Variants in MTSS1 observed in about 807,000 individuals in gnomAD.
MTSS1 encodes MTSS I-BAR domain containing 1, also known as protein MTSS 1.
MTSS1 carries 18 observed loss-of-function variants against 79.0 expected under a neutral mutation model. That is an observed-to-expected ratio of 0.23 (90% CI 0.16 to 0.34). MTSS1 has a LOEUF of 0.34. MTSS1 is among the 10% of genes least tolerant of loss of function. MTSS1 has a pLI of 1.00. For missense variants in MTSS1, 815 were observed against 986.2 expected (o/e 0.83, Z 2.33); for synonymous variants, 341 against 368.6 (o/e 0.93, Z 0.86).
chr8:124,691,294 A>C (rs541741097), intron 3 of MTSS1, among the ~76,000 whole-genome samples: 5 of 152,346 alleles, frequency 3.3e-5, no homozygotes, highest in African/African-American at 9.6e-5. Flanking sequence ...AGGAGGGCTT[A>C]GGAGCTGGAA....
At chr8:124,619,452 T>C (rs2133489887) in intron 3 of MTSS1, 1 of 152,610 alleles carries the variant, frequency 6.6e-6, no homozygotes, top group South Asian at 2.1e-4. Flanking sequence ...CCATTGTCTC[T>C]TTACTTTTTG....
intron 3 of MTSS1, among the ~76,000 whole-genome samples, chr8:124,611,862 C>A (rs920860593): frequency 6.6e-6 from 1 of 152,172 alleles, no homozygotes; most frequent in Non-Finnish European, 1.5e-5. Context: ...GACACTCAAG[C>A]GTATTTGCAC....
At chr8:124,661,583 A>G (rs758583985) in intron 3 of MTSS1, among the ~76,000 whole-genome samples, 12 of 152,232 alleles carry the variant, frequency 7.9e-5, no homozygotes, top group Non-Finnish European at 1.5e-4. Context: ...AGTCCTAGCC[A>G]CGCCAAAGGT....
At chr8:124,723,995 G>C (rs1020843536) in intron 1 of MTSS1, among the ~76,000 whole-genome samples, 3 of 152,098 alleles carry the variant, frequency 2.0e-5, no homozygotes, top group Non-Finnish European at 4.4e-5. Flanking sequence ...CACCATATTG[G>C]ATTCATATTA....
intron 6 of MTSS1, among the ~76,000 whole-genome samples, chr8:124,571,192 G>C (rs1484702368): frequency 6.6e-6 from 1 of 152,218 alleles, no homozygotes; most frequent in Non-Finnish European, 1.5e-5. Context: ...CCTGGAATCT[G>C]CCTCAGGGCA....
intron 3 of MTSS1, among the ~76,000 whole-genome samples, chr8:124,603,093 T>C (rs1050043175): frequency 2.0e-5 from 3 of 152,178 alleles, no homozygotes; most frequent in African/African-American, 7.2e-5. Context: ...TGGCACCATC[T>C]CAGCTCACCA....
chr8:124,592,805 G>C (rs1233808030), intron 3 of MTSS1, among the ~76,000 whole-genome samples: 2 of 152,150 alleles, frequency 1.3e-5, no homozygotes, highest in African/African-American at 2.4e-5. Context: ...GGCTGGACTG[G>C]GCTGTGCAGT....
chr8:124,573,922 C>T (rs1828408462), intron 6 of MTSS1, among the ~76,000 whole-genome samples: 1 of 152,144 alleles, frequency 6.6e-6, no homozygotes, highest in South Asian at 2.1e-4. Context: ...ATTCTCTTTG[C>T]AGAAAATGTT....
intron 3 of MTSS1, among the ~76,000 whole-genome samples, chr8:124,655,079 T>A (rs1009687517): frequency 6.6e-6 from 1 of 152,230 alleles, no homozygotes; most frequent in Admixed American, 6.5e-5. Context: ...TCTAGCCCCC[T>A]AAACAGCAGA....
At chr8:124,706,105 TAGCACTCATTATAACAAGG>T (rs889955125) in intron 1 of MTSS1, among the ~76,000 whole-genome samples, 7 of 152,068 alleles carry the variant, frequency 4.6e-5, no homozygotes, top group African/African-American at 4.8e-5. Context: ...AGATCATGCA[TAGCACTCATTATAACAAGG>T]AGCACTCATT....
intron 3 of MTSS1, among the ~76,000 whole-genome samples, chr8:124,652,607 C>T (rs1402906509): frequency 3.3e-5 from 5 of 151,946 alleles, no homozygotes; most frequent in African/African-American, 4.8e-5. Context: ...CCAGCCTGGC[C>T]GACCTGGTGA....
At chr8:124,678,457 A>G (rs972267542) in intron 3 of MTSS1, among the ~76,000 whole-genome samples, 2 of 152,252 alleles carry the variant, frequency 1.3e-5, no homozygotes, top group Non-Finnish European at 2.9e-5. Flanking sequence ...ATGGACTCAC[A>G]GTTCCACATG....
At chr8:124,658,329 G>A (rs564161410) in intron 3 of MTSS1, among the ~76,000 whole-genome samples, 6 of 152,224 alleles carry the variant, frequency 3.9e-5, no homozygotes, top group African/African-American at 9.6e-5. Flanking sequence ...TGGGGTTTCC[G>A]TTCTCGCTTG....
intron 3 of MTSS1, among the ~76,000 whole-genome samples, chr8:124,627,895 G>A (rs916135643): frequency 1.3e-5 from 2 of 152,204 alleles, no homozygotes; most frequent in Admixed American, 1.3e-4. Context: ...GACTGGTCGC[G>A]GTGGCTCACG....
rs562791888 is a variant in MTSS1 at position 124,676,558 on chromosome 8, G to C, written c.208+22968C>G. Reference sequence around the variant, plus strand: ...TACAGGTCTGGGCAAATGAAAGAACGTGCTCAAATCTAAACTCAGGTAATG... The same window carrying C: ...TACAGGTCTGGGCAAATGAAAGAACCTGCTCAAATCTAAACTCAGGTAATG... On this transcript the variant is annotated intron_variant, in intron 3 of 13. Coordinates refer to ENST00000518547, the MANE Select transcript of MTSS1 (RefSeq NM_014751.6). 7.9e-5 allele frequency among the ~76,000 whole-genome samples: 12 copies of C among 152,330 alleles called. No homozygotes were observed. In the South Asian group the frequency reaches 2.5e-3, roughly 32 times the overall value.
chr8:124,580,636 T>C (rs574134345), intron 6 of MTSS1: 8 of 1,496,776 alleles, frequency 5.3e-6, no homozygotes, highest in East Asian at 4.9e-5. Context: ...AAAGTCAAAC[T>C]GGTATTCAAG....
At chr8:124,596,262 T>G (rs1456818607) in intron 3 of MTSS1, among the ~76,000 whole-genome samples, 1 of 152,250 alleles carries the variant, frequency 6.6e-6, no homozygotes. Flanking sequence ...TGGCCTCTCA[T>G]GCTTCTTCCC....
At chr8:124,660,198 C>G (rs1273277280) in intron 3 of MTSS1, among the ~76,000 whole-genome samples, 2 of 151,986 alleles carry the variant, frequency 1.3e-5, no homozygotes, top group Non-Finnish European at 2.9e-5. Context: ...TGGCTCTGAG[C>G]TCAATTGTAG....
intron 3 of MTSS1, chr8:124,619,271 C>G (rs544167363): frequency 1.3e-5 from 2 of 152,362 alleles, no homozygotes; most frequent in African/African-American, 4.8e-5. Context: ...GCTTACCTCC[C>G]AGCTTCTGTA....
Sources: allele counts gnomAD v4.1 joint callset (sites outside exome capture counted in the v4.1 genomes callset), GRCh38; gene constraint gnomAD v4.1.1; transcripts MANE v1.5; gene names NCBI Gene and HGNC (gene_info 2026-07-23, HGNC 2026-07-21).